The following POMT2 variants were observed in gnomAD, a reference collection of about 807,000 sequenced individuals.
The protein encoded by POMT2 is protein O-mannosyl-transferase 2.
A neutral mutation model predicts 100.0 loss-of-function variants in POMT2; 75 were observed. That is an observed-to-expected ratio of 0.75 (90% CI 0.62 to 0.91). The LOEUF (loss-of-function observed/expected upper bound fraction) is 0.91. Ranked by LOEUF, POMT2 falls within the 40% of genes least tolerant of loss-of-function variation. The pLI is 0.00. For missense variants in POMT2, 940 were observed against 955.1 expected, an observed-to-expected ratio of 0.98 and a Z score of 0.21; for synonymous variants, 378 against 374.1, an observed-to-expected ratio of 1.01 and a Z score of -0.12.
At chr14:77,297,454 A>T (rs1353992397) in intron 8 of POMT2, among the ~76,000 whole-genome samples, 1 of 152,188 alleles carries the variant, frequency 6.6e-6, no homozygotes, top group African/African-American at 2.4e-5. Context: ...CTTTGAAAGC[A>T]TCAGCCCCAA....
At chr14:77,315,615 C>T (rs1016086444) in intron 1 of POMT2, among the ~76,000 whole-genome samples, 3 of 152,198 alleles carry the variant, frequency 2.0e-5, no homozygotes, top group African/African-American at 7.2e-5. Flanking sequence ...TTATCCTGGG[C>T]AAGGGCTGCT....
chr14:77,300,927 T>C, intron 6 of POMT2, 163 bp downstream of exon 6: 1 of 1,297,268 alleles, frequency 7.7e-7, no homozygotes, highest in Non-Finnish European at 1.1e-6. Context: ...CCGGGCCCAC[T>C]CCCTGATGTC....
intron 13 of POMT2, 26 bp from the exon 14 acceptor site, chr14:77,285,067 T>C: frequency 1.3e-6 from 2 of 1,559,454 alleles, no homozygotes; most frequent in Non-Finnish European, 1.8e-6. Flanking sequence ...GTCACAGATG[T>C]CTCTCAGAAG....
chr14:77,317,241 G>A (rs906605275), intron 1 of POMT2, among the ~76,000 whole-genome samples: 2 of 152,354 alleles, frequency 1.3e-5, no homozygotes, highest in Admixed American at 1.3e-4. Flanking sequence ...GCTCCTGGGA[G>A]ATTGACATTA....
chr14:77,310,706 C>T (rs1280326984), intron 2 of POMT2, among the ~76,000 whole-genome samples: 3 of 152,184 alleles, frequency 2.0e-5, no homozygotes, highest in Non-Finnish European at 4.4e-5. Flanking sequence ...CTACCTGCTC[C>T]AAGATCCCTC....
intron 4 of POMT2, 134 bp from the exon 5 acceptor site, chr14:77,303,077 G>A (rs1388860960): frequency 1.4e-6 from 1 of 730,872 alleles, no homozygotes; most frequent in Admixed American, 2.0e-5. Context: ...CAGGACTAGA[G>A]TCAACACTGA....
At chr14:77,294,146 AT>A (rs1890739718) in intron 9 of POMT2, among the ~76,000 whole-genome samples, 1 of 152,200 alleles carries the variant, frequency 6.6e-6, no homozygotes, top group Non-Finnish European at 1.5e-5. Flanking sequence ...CCAGACATGA[AT>A]GGAGAATTAA....
intron 7 of POMT2, 85 bp from the exon 8 acceptor site, chr14:77,298,856 A>C: frequency 8.0e-7 from 1 of 1,247,132 alleles, no homozygotes; most frequent in South Asian, 1.3e-5. Flanking sequence ...AGCTCTGCTC[A>C]GATAGTTTAA....
At position 77,280,018 on chromosome 14, in the gene POMT2, C is replaced by T; in HGVS notation, c.1785+3G>A. On this transcript the variant is annotated splice_donor_region_variant and intron_variant, in intron 17 of 20. Coordinates refer to ENST00000261534, the MANE Select transcript of POMT2 (RefSeq NM_013382.7). ...CCTGAGCCGGGAATGTTTAGGCACT[C>T]ACCGGGTTGCCAAGCAGATAGACTC... The T allele has an allele frequency of 6.2e-7, 1 of 1,614,066 alleles. No homozygotes were observed. Among genetic ancestry groups the T allele is most frequent in the Non-Finnish European group, 8.5e-7 (1 of 1,180,014 alleles).
chr14:77,288,886 A>G (rs1395872040), intron 10 of POMT2, 55 bp from the exon 11 acceptor site: 9 of 1,433,878 alleles, frequency 6.3e-6, no homozygotes, highest in Non-Finnish European at 3.9e-6. Context: ...GCTAGTATTA[A>G]TCAAGGGCCT....
intron 1 of POMT2, among the ~76,000 whole-genome samples, chr14:77,319,795 C>T (rs139905061): frequency 9.9e-4 from 151 of 152,322 alleles, no homozygotes; most frequent in Admixed American, 1.8e-3. Context: ...CCAGCAGTCA[C>T]GACACAATAA....
chr14:77,313,243 A>G (rs1891503441), intron 1 of POMT2, among the ~76,000 whole-genome samples: 1 of 152,234 alleles, frequency 6.6e-6, no homozygotes, highest in African/African-American at 2.4e-5. Context: ...CTAAGAATCT[A>G]AGGTTCTTTT....
At chr14:77,284,803 G>C in intron 14 of POMT2, 147 bp downstream of exon 14, 1 of 720,910 alleles carries the variant, frequency 1.4e-6, no homozygotes, top group Middle Eastern at 2.4e-4. Flanking sequence ...TGTAGGTACA[G>C]ACAACTCATA....
At position 77,280,452 on chromosome 14, in the gene POMT2, G is replaced by A. The variant is rs1890178887; in HGVS notation, c.1665C>T (p.Gly555=). 1.9e-6 allele frequency: 3 copies of A among 1,614,086 alleles called. No homozygotes were observed. The highest frequency in any genetic ancestry group is 2.2e-5 in the South Asian group (2 of 91,092). ...TGAACTCATTGTCCTTGGGTTTGAGGCCACTGTTCCCCTGCATGAAGGTAG... is the reference window on the plus strand; with the variant it reads ...TGAACTCATTGTCCTTGGGTTTGAGACCACTGTTCCCCTGCATGAAGGTAG... ...SHMVMIRGNS[G]LKPKDNEFTS... Residue 555 remains glycine, a synonymous_variant, in exon 16 of 21, where the codon GGC becomes GGT. Transcript: ENST00000261534.
At position 77,277,095 on chromosome 14, in the gene POMT2, C is replaced by T; in HGVS notation, c.*281G>A. On this transcript the variant is annotated 3_prime_UTR_variant, in exon 21 of 21. Transcript: ENST00000261534. ...CCTCACATACACACACGCGCACCCACTCCCACCCTCTGGCACCCATCCTCC... is the reference window on the plus strand; with the variant it reads ...CCTCACATACACACACGCGCACCCATTCCCACCCTCTGGCACCCATCCTCC... 2.2e-5 allele frequency: 11 copies of T among 499,466 alleles called. No homozygotes were observed. The South Asian group carries it at 2.3e-4, about 10-fold the overall frequency. 30.9% of individuals were successfully genotyped at this position (499,466 alleles called of 1,614,324 possible).
intron 8 of POMT2, among the ~76,000 whole-genome samples, chr14:77,296,808 G>A (rs1890849296): frequency 6.6e-6 from 1 of 152,210 alleles, no homozygotes; most frequent in Non-Finnish European, 1.5e-5. Context: ...TAGGCCCTGA[G>A]TTATTGAGAA....
chr14:77,283,639 G>A (rs142794942), intron 15 of POMT2, among the ~76,000 whole-genome samples, 158 bp downstream of exon 15: 1 of 152,272 alleles, frequency 6.6e-6, no homozygotes, highest in Non-Finnish European at 1.5e-5. Context: ...CTGTGGTGAG[G>A]GAAATGCCTT....
Position 77,296,187 on chromosome 14 carries a change from CCTCGGGGT to C in POMT2, c.1085_1092del (p.Tyr362TrpfsTer27). On this transcript the variant is annotated frameshift_variant, in exon 9 of 21. Transcript: ENST00000261534. LOFTEE classifies it high-confidence loss of function. ...ACCTGCTGCTGACGGGCACCAATGC[CCTCGGGGT>C]AGAGGTGCCTGTGGGAGTGCAGATA... The C allele has an allele frequency of 6.2e-7, 1 of 1,606,706 alleles. No homozygotes were observed. Among genetic ancestry groups the C allele is most frequent in the South Asian group, 1.1e-5 (1 of 89,080 alleles).
At chr14:77,313,305 C>T (rs1271283702) in intron 1 of POMT2, among the ~76,000 whole-genome samples, 1 of 152,238 alleles carries the variant, frequency 6.6e-6, no homozygotes, top group East Asian at 1.9e-4. Context: ...TCTATTTCAG[C>T]ATCTGCTAAA....
Sources: gnomAD v4.1 joint callset for allele counts (sites outside exome capture counted in the v4.1 genomes callset) on GRCh38, gnomAD v4.1.1 for gene constraint, MANE v1.5 for transcripts, NCBI Gene and HGNC (gene_info 2026-07-23, HGNC 2026-07-21) for gene names.